FAM135B: variants seen among roughly 807,000 people sequenced by gnomAD.
The protein encoded by FAM135B is protein FAM135B.
Under a neutral mutation model 127.7 loss-of-function variants are expected in FAM135B, and 43 were observed. The ratio of observed to expected loss-of-function variants is 0.34; its 90% confidence interval spans 0.26 to 0.43. FAM135B has a LOEUF of 0.43. Ranked by LOEUF, FAM135B falls within the 20% of genes least tolerant of loss-of-function variation. FAM135B has a pLI of 1.00. For synonymous variants in FAM135B, 670 were observed against 665.1 expected, an observed-to-expected ratio of 1.01 and a Z score of -0.11; for missense variants, 1,558 against 1,725.6, an observed-to-expected ratio of 0.90 and a Z score of 1.72.
At chr8:138,329,677 C>T (rs1014909811) in intron 2 of FAM135B, among the ~76,000 whole-genome samples, 1 of 152,126 alleles carries the variant, frequency 6.6e-6, no homozygotes, top group Admixed American at 6.5e-5. Flanking sequence ...TGCGGTTAGA[C>T]AGACATGGGG....
intron 3 of FAM135B, among the ~76,000 whole-genome samples, chr8:138,294,430 A>T (rs1825333661): frequency 6.6e-6 from 1 of 152,212 alleles, no homozygotes; most frequent in Non-Finnish European, 1.5e-5. Flanking sequence ...AAAGTGGTAG[A>T]CCTTAAAAAT....
chr8:138,264,858 C>T (rs568611009), intron 4 of FAM135B, among the ~76,000 whole-genome samples: 1 of 152,180 alleles, frequency 6.6e-6, no homozygotes, highest in African/African-American at 2.4e-5. Flanking sequence ...ATGAGGAATG[C>T]AAGTAGGGGA....
At chr8:138,310,249 T>C (rs1587044605) in intron 3 of FAM135B, among the ~76,000 whole-genome samples, 2 of 152,124 alleles carry the variant, frequency 1.3e-5, no homozygotes, top group Non-Finnish European at 2.9e-5. Context: ...GCTCTACTAG[T>C]TAATATTATG....
chr8:138,196,658 C>T (rs529792745), intron 8 of FAM135B, among the ~76,000 whole-genome samples: 45 of 152,304 alleles, frequency 3.0e-4, no homozygotes, highest in Non-Finnish European at 5.6e-4. Flanking sequence ...AGTCAATGTA[C>T]CCAGCAGGGT....
At chr8:138,250,626 G>T (rs372375136) in intron 6 of FAM135B, among the ~76,000 whole-genome samples, 1 of 152,118 alleles carries the variant, frequency 6.6e-6, no homozygotes, top group Admixed American at 6.5e-5. Flanking sequence ...GCCATAGTTT[G>T]CAGGTTTTCG....
intron 12 of FAM135B, among the ~76,000 whole-genome samples, chr8:138,163,151 T>A (rs1819555221): frequency 6.6e-6 from 1 of 152,242 alleles, no homozygotes; most frequent in South Asian, 2.1e-4. Flanking sequence ...TTAAGTGTTT[T>A]ATGGACTGAT....
chr8:138,302,647 G>A (rs1319450949), intron 3 of FAM135B, among the ~76,000 whole-genome samples: 1 of 152,152 alleles, frequency 6.6e-6, no homozygotes, highest in Admixed American at 6.5e-5. Flanking sequence ...AGTCAGTTGT[G>A]CCTCACAAAA....
intron 19 of FAM135B, among the ~76,000 whole-genome samples, chr8:138,134,195 T>C (rs1353978346): frequency 6.6e-6 from 1 of 152,200 alleles, no homozygotes; most frequent in African/African-American, 2.4e-5. Flanking sequence ...GGCTAAACAA[T>C]TCTGTGCTCC....
At chr8:138,165,008 G>C (rs1381774090) in intron 12 of FAM135B, among the ~76,000 whole-genome samples, 2 of 152,212 alleles carry the variant, frequency 1.3e-5, no homozygotes, top group East Asian at 3.9e-4. Context: ...TGACGTGAGA[G>C]GTGGTGAGAA....
At chr8:138,226,178 T>TGC (rs1290116116) in intron 7 of FAM135B, among the ~76,000 whole-genome samples, 2 of 127,982 alleles carry the variant, frequency 1.6e-5, no homozygotes, top group East Asian at 2.6e-4. Context: ...TGTGTGTGTG[T>TGC]GTGTGTGCGC....
rs577753107 is a variant in FAM135B at position 138,465,321 on chromosome 8, A to C, written c.-20+31350T>G. 3.9e-5 allele frequency among the ~76,000 whole-genome samples: 6 copies of C among 152,168 alleles called. No homozygotes were observed. The South Asian group carries it at 6.2e-4, about 16-fold the overall frequency. Reference sequence around the variant, plus strand: ...ACTCTACACCTGGCCCTACACTCAGATCTCACAGGTGCTGCAAGGAGTCCA... The same window carrying C: ...ACTCTACACCTGGCCCTACACTCAGCTCTCACAGGTGCTGCAAGGAGTCCA... On this transcript the variant is annotated intron_variant, in intron 1 of 19. Transcript: ENST00000395297.
At chr8:138,401,625 T>A (rs1833160713) in intron 1 of FAM135B, among the ~76,000 whole-genome samples, 1 of 152,136 alleles carries the variant, frequency 6.6e-6, no homozygotes, top group African/African-American at 2.4e-5. Context: ...GAAAGAAAAA[T>A]GGCCTTTTAA....
At chr8:138,481,687 G>C (rs896152621) in intron 1 of FAM135B, among the ~76,000 whole-genome samples, 1 of 152,108 alleles carries the variant, frequency 6.6e-6, no homozygotes, top group Non-Finnish European at 1.5e-5. Context: ...CTTTATTCTC[G>C]CTTGAATGAC....
chr8:138,424,517 G>C (rs76985850), intron 1 of FAM135B, among the ~76,000 whole-genome samples: 2,779 of 152,230 alleles, frequency 0.018, 77 homozygotes, highest in African/African-American at 0.062. Context: ...CCTTGACAAA[G>C]TAGTTTCTTA....
At chr8:138,379,670 T>C (rs1035275515) in intron 1 of FAM135B, among the ~76,000 whole-genome samples, 1 of 152,094 alleles carries the variant, frequency 6.6e-6, no homozygotes, top group Non-Finnish European at 1.5e-5. Context: ...CTGGTTCAGA[T>C]GTAGGTTCCC....
chr8:138,463,562 G>C (rs938408389), intron 1 of FAM135B, among the ~76,000 whole-genome samples: 4 of 152,212 alleles, frequency 2.6e-5, no homozygotes, highest in African/African-American at 9.6e-5. Context: ...GGCTTGTCTG[G>C]GTGTTTTGAG....
intron 1 of FAM135B, among the ~76,000 whole-genome samples, chr8:138,401,290 T>A (rs1332868891): frequency 6.6e-6 from 1 of 152,214 alleles, no homozygotes; most frequent in Admixed American, 6.5e-5. Flanking sequence ...GGTTATTACC[T>A]GGACTGATTG....
intron 1 of FAM135B, chr8:138,459,013 G>A (rs1404297572): frequency 6.6e-6 from 1 of 152,406 alleles, no homozygotes; most frequent in African/African-American, 2.4e-5. Context: ...GAATACAGCA[G>A]AGGTTGGGCG....
rs1820842529 is a variant in FAM135B at position 138,242,164 on chromosome 8, T to TG, written c.669+777_669+778insC. On this transcript the variant is annotated intron_variant, in intron 7 of 19. Coordinates refer to ENST00000395297, the MANE Select transcript of FAM135B (RefSeq NM_015912.4). This position sits in a 1 kb window ranked among gnomAD's most constrained non-coding sequence, Gnocchi z 9.6. ...GAGTCAATTACTTATGATAAATCTC[T>TG]TTGTGTGTGTGTGTGTGTGTGTGTG... is the stretch of plus-strand genomic sequence containing the variant. 7.4e-6 allele frequency among the ~76,000 whole-genome samples: 1 copy of TG among 135,208 alleles called. No homozygotes were observed. The highest frequency in any genetic ancestry group is 1.6e-5 in the Non-Finnish European group (1 of 63,844). 88.7% of individuals were successfully genotyped at this position (135,208 alleles called of 152,430 possible). A position where few individuals can be genotyped will look rare whatever the true frequency, so the allele number is the denominator to read the frequency against.
Sources: allele counts gnomAD v4.1 joint callset (sites outside exome capture counted in the v4.1 genomes callset), GRCh38; gene constraint gnomAD v4.1.1; non-coding constraint Gnocchi (gnomAD v3.1); transcripts MANE v1.5; gene names NCBI Gene and HGNC (gene_info 2026-07-23, HGNC 2026-07-21).